Variants in GRIN2B observed in about 807,000 individuals in gnomAD.
The protein encoded by GRIN2B is glutamate ionotropic receptor NMDA type subunit 2B.
A neutral mutation model predicts 114.5 loss-of-function variants in GRIN2B; 5 were observed. The ratio of observed to expected loss-of-function variants is 0.04; its 90% CI spans 0.02 to 0.09. GRIN2B has a LOEUF of 0.09. Among genes scored for constraint, GRIN2B ranks in the 10% least tolerant of loss-of-function variants. The pLI is 1.00. For synonymous variants in GRIN2B, 787 were observed against 745.1 expected, an observed-to-expected ratio of 1.06 and a Z score of -0.92; for missense variants, 1,108 against 1,943.5, an observed-to-expected ratio of 0.57 and a Z score of 8.08.
chr12:13,844,995 C>A (rs563276183), intron 3 of GRIN2B, among the ~76,000 whole-genome samples: 1 of 152,112 alleles, frequency 6.6e-6, no homozygotes, highest in African/African-American at 2.4e-5. Context: ...CTGCTGTACA[C>A]GAATTTCTCT....
chr12:13,915,943 C>A (rs1315354326), intron 2 of GRIN2B, among the ~76,000 whole-genome samples: 1 of 151,940 alleles, frequency 6.6e-6, no homozygotes, highest in Non-Finnish European at 1.5e-5. Context: ...TTTTAAAATG[C>A]AGGTAAAATC....
intron 2 of GRIN2B, among the ~76,000 whole-genome samples, chr12:13,895,967 C>T (rs1866345647): frequency 2.0e-5 from 3 of 152,114 alleles, no homozygotes; most frequent in Admixed American, 2.0e-4. Flanking sequence ...ATCTGATAGG[C>T]TTTTACCAAA....
intron 3 of GRIN2B, among the ~76,000 whole-genome samples, chr12:13,814,050 C>T (rs776716723): frequency 3.3e-5 from 5 of 152,124 alleles, no homozygotes; most frequent in Non-Finnish European, 7.4e-5. Flanking sequence ...AAACTGATTC[C>T]TCTTGGGGGA....
At chr12:13,901,605 G>A (rs940128128) in intron 2 of GRIN2B, among the ~76,000 whole-genome samples, 5 of 151,904 alleles carry the variant, frequency 3.3e-5, no homozygotes, top group Non-Finnish European at 5.9e-5. Context: ...ACTGGCTACC[G>A]TCTTAGACAG....
At chr12:13,585,037 G>T (rs183091245) in intron 10 of GRIN2B, among the ~76,000 whole-genome samples, 1 of 152,194 alleles carries the variant, frequency 6.6e-6, no homozygotes, top group African/African-American at 2.4e-5. Context: ...AAGTAAAGAA[G>T]ACAGATGGAT....
chr12:13,921,224 C>T (rs1002555590), intron 2 of GRIN2B, among the ~76,000 whole-genome samples: 6 of 151,966 alleles, frequency 3.9e-5, no homozygotes, highest in Admixed American at 6.6e-5. Context: ...TGGTGAAACC[C>T]CATCTCTACT....
intron 2 of GRIN2B, among the ~76,000 whole-genome samples, chr12:13,966,346 T>G (rs749873336): frequency 6.6e-6 from 1 of 152,262 alleles, no homozygotes; most frequent in Non-Finnish European, 1.5e-5. Context: ...CTTCCTTCAT[T>G]GAAAACCTTC....
chr12:13,638,884 A>C (rs1949687697), intron 5 of GRIN2B, among the ~76,000 whole-genome samples: 1 of 151,952 alleles, frequency 6.6e-6, no homozygotes, highest in African/African-American at 2.4e-5. Flanking sequence ...TACCCCAGTT[A>C]CCTTACTCCT....
At chr12:13,585,176 T>A (rs187725769) in intron 10 of GRIN2B, among the ~76,000 whole-genome samples, 26 of 152,180 alleles carry the variant, frequency 1.7e-4, no homozygotes, top group African/African-American at 6.3e-4. Context: ...GAATTTAGGG[T>A]TCTCCAGTTA....
At chr12:13,932,631 A>T (rs1269154539) in intron 2 of GRIN2B, among the ~76,000 whole-genome samples, 1 of 152,232 alleles carries the variant, frequency 6.6e-6, no homozygotes, top group Non-Finnish European at 1.5e-5. Context: ...GAGAGAGAAC[A>T]CAGAGAGGCC....
chr12:13,667,061 G>A (rs568147860), intron 5 of GRIN2B, among the ~76,000 whole-genome samples: 12 of 152,218 alleles, frequency 7.9e-5, no homozygotes, highest in Admixed American at 3.9e-4. Context: ...TAGAAACAGC[G>A]CTGGAAAGGG....
At chr12:13,636,400 A>T (rs1374988222) in intron 5 of GRIN2B, among the ~76,000 whole-genome samples, 1 of 152,204 alleles carries the variant, frequency 6.6e-6, no homozygotes, top group Non-Finnish European at 1.5e-5. Context: ...GTTTTGAGCA[A>T]ATAGCAGACA....
chr12:13,573,600 G>GC (rs1948734726), intron 10 of GRIN2B, among the ~76,000 whole-genome samples: 1 of 125,450 alleles, frequency 8.0e-6, no homozygotes, highest in Non-Finnish European at 1.8e-5. Flanking sequence ...AATGATCATT[G>GC]TAGCTGTGCT....
At chr12:13,643,498 T>C (rs1221122398) in intron 5 of GRIN2B, among the ~76,000 whole-genome samples, 1 of 152,170 alleles carries the variant, frequency 6.6e-6, no homozygotes, top group African/African-American at 2.4e-5. Context: ...TCCACGTTGA[T>C]GGCTGCTGAC....
At chr12:13,812,930 A>ATTTTTT (rs34773248) in intron 3 of GRIN2B, among the ~76,000 whole-genome samples, 8 of 118,390 alleles carry the variant, frequency 6.8e-5, no homozygotes, top group African/African-American at 1.3e-4. Context: ...AGTTTTGGGA[A>ATTTTTT]TTTTTTTTTT....
At chr12:13,725,492 C>T (rs1220687757) in intron 4 of GRIN2B, among the ~76,000 whole-genome samples, 1 of 151,988 alleles carries the variant, frequency 6.6e-6, no homozygotes, top group African/African-American at 2.4e-5. Context: ...TTTAAACAAC[C>T]GATTCTTCAG....
intron 2 of GRIN2B, among the ~76,000 whole-genome samples, chr12:13,876,122 A>G (rs1565571779): frequency 6.6e-6 from 1 of 152,246 alleles, no homozygotes; most frequent in Non-Finnish European, 1.5e-5. Flanking sequence ...TATCATTTAG[A>G]AGATCCTTAT....
chr12:13,804,595 T>G (rs1274106778), intron 3 of GRIN2B, among the ~76,000 whole-genome samples: 1 of 152,140 alleles, frequency 6.6e-6, no homozygotes, highest in Non-Finnish European at 1.5e-5. Context: ...ACCTGTAGAA[T>G]TCAAATAACA....
chr12:13,895,314 G>A (rs972240782), intron 2 of GRIN2B, among the ~76,000 whole-genome samples: 13 of 152,150 alleles, frequency 8.5e-5, no homozygotes, highest in African/African-American at 3.1e-4. Flanking sequence ...GGAAAATTGA[G>A]ATAAAGTTGC....
Sources: gnomAD v4.1 joint callset for allele counts (sites outside exome capture counted in the v4.1 genomes callset) on GRCh38, gnomAD v4.1.1 for gene constraint, MANE v1.5 for transcripts, NCBI Gene and HGNC (gene_info 2026-07-23, HGNC 2026-07-21) for gene names.